The following RHOG variants were observed in gnomAD, a reference collection of about 807,000 sequenced individuals.
The protein encoded by RHOG is ras homolog family member G.
In RHOG, 1 loss-of-function variant was observed where a neutral mutation model predicts 12.3. The ratio of observed to expected loss-of-function variants is 0.08; its 90% CI spans 0.03 to 0.39. The LOEUF is 0.39. Among genes scored for constraint, RHOG ranks in the 10% least tolerant of loss-of-function variants. The pLI, the probability that RHOG is intolerant of heterozygous loss-of-function variation, is 0.99. For synonymous variants in RHOG, 129 were observed against 116.0 expected (o/e 1.11, Z -0.72); for missense variants, 114 against 266.2 (o/e 0.43, Z 3.98).
intron 1 of RHOG, among the ~76,000 whole-genome samples, chr11:3,835,031 A>G (rs1357057213): frequency 1.3e-5 from 2 of 152,198 alleles, no homozygotes; most frequent in East Asian, 1.9e-4. Flanking sequence ...CTTCCAGGAA[A>G]GCGTAAATTA....
intron 1 of RHOG, among the ~76,000 whole-genome samples, chr11:3,828,811 G>T (rs563161506): frequency 6.6e-6 from 1 of 151,384 alleles, no homozygotes; most frequent in Admixed American, 6.6e-5. Context: ...TAGTAGAGAT[G>T]GGGTTTCACC....
At chr11:3,830,084 G>A (rs996005786) in intron 1 of RHOG, among the ~76,000 whole-genome samples, 6 of 152,170 alleles carry the variant, frequency 3.9e-5, no homozygotes, top group Non-Finnish European at 8.8e-5. Context: ...GAAGGATGAA[G>A]TCAAGAGTAA....
intron 1 of RHOG, among the ~76,000 whole-genome samples, chr11:3,834,667 C>A (rs1366030037): frequency 1.3e-5 from 2 of 152,210 alleles, no homozygotes; most frequent in Admixed American, 6.5e-5. Context: ...CCCAGTGGGG[C>A]CTGGCCTTGG....
intron 1 of RHOG, among the ~76,000 whole-genome samples, chr11:3,829,890 G>A (rs1441903342): frequency 6.6e-6 from 1 of 152,142 alleles, no homozygotes; most frequent in African/African-American, 2.4e-5. Flanking sequence ...GGGATTACAG[G>A]CGCATGCCAC....
Position 3,827,419 on chromosome 11 carries a change from A to T in RHOG, c.*144T>A. 1.5e-6 allele frequency: 1 copy of T among 655,234 alleles called. No individual in the cohort carries two copies. Among genetic ancestry groups the T allele is most frequent in the Non-Finnish European group, 2.6e-6 (1 of 384,750 alleles). The allele number at this position is 655,234 out of a possible 1,614,324, so 40.6% of individuals were successfully genotyped here. A position where few individuals can be genotyped will look rare whatever the true frequency, so the allele number is the denominator to read the frequency against. On this transcript the variant is annotated 3_prime_UTR_variant, in exon 2 of 2. Coordinates refer to ENST00000351018, the MANE Select transcript of RHOG (RefSeq NM_001665.4). The surrounding 1 kb of genome is among the most constrained non-coding windows in gnomAD (Gnocchi z 7.3). ...TCTGCAGGCCTCCTTAAGGAGAAAAAGGCACTCAGAGAAAAAGGCATTCAG... is the reference window on the plus strand; with the variant it reads ...TCTGCAGGCCTCCTTAAGGAGAAAATGGCACTCAGAGAAAAAGGCATTCAG...
intron 1 of RHOG, among the ~76,000 whole-genome samples, chr11:3,835,932 G>A (rs1036065214): frequency 6.6e-6 from 1 of 152,122 alleles, no homozygotes; most frequent in South Asian, 2.1e-4. Context: ...GGGCTGGGAG[G>A]AGGAAGCTGG....
At position 3,827,408 on chromosome 11, in the gene RHOG, T is replaced by G. The variant is rs778641269; in HGVS notation, c.*155A>C. 3.0e-5 allele frequency: 19 copies of G among 636,802 alleles called. No homozygotes were observed. Among genetic ancestry groups the G allele is most frequent in the Non-Finnish European group, 4.9e-5 (18 of 368,694 alleles). 39.4% of individuals were successfully genotyped at this position (636,802 alleles called of 1,614,324 possible). A position where few individuals can be genotyped will look rare whatever the true frequency, so the allele number is the denominator to read the frequency against. On this transcript the variant is annotated 3_prime_UTR_variant, in exon 2 of 2. Coordinates refer to ENST00000351018, the MANE Select transcript of RHOG (RefSeq NM_001665.4). This position sits in a 1 kb window ranked among gnomAD's most constrained non-coding sequence, Gnocchi z 7.3. ...AAGCCCCTTTCTCTGCAGGCCTCCTTAAGGAGAAAAAGGCACTCAGAGAAA... is the reference window on the plus strand; with the variant it reads ...AAGCCCCTTTCTCTGCAGGCCTCCTGAAGGAGAAAAAGGCACTCAGAGAAA...
intron 1 of RHOG, among the ~76,000 whole-genome samples, chr11:3,839,948 C>A (rs1004021042): frequency 1.3e-5 from 2 of 151,828 alleles, no homozygotes; most frequent in Non-Finnish European, 2.9e-5. Flanking sequence ...CTAGGTATGA[C>A]CGTATGTTTG....
At chr11:3,835,967 C>G (rs2090153251) in intron 1 of RHOG, among the ~76,000 whole-genome samples, 1 of 151,664 alleles carries the variant, frequency 6.6e-6, no homozygotes, top group African/African-American at 2.4e-5. Flanking sequence ...CAGTGTGGGA[C>G]TGGGACCAGG....
intron 1 of RHOG, among the ~76,000 whole-genome samples, chr11:3,830,097 C>T (rs1001977092): frequency 6.6e-6 from 1 of 152,152 alleles, no homozygotes; most frequent in Non-Finnish European, 1.5e-5. Context: ...AAGAGTAAGA[C>T]AAAAACTTGA....
At position 3,828,061 on chromosome 11, in the gene RHOG, G is replaced by A. The variant is rs767911108; in HGVS notation, c.78C>T (p.Asn26=). The A allele has an allele frequency of 2.8e-5, 45 of 1,614,142 alleles. 1 individual carries two copies. The highest frequency in any genetic ancestry group is 1.8e-4 in the East Asian group (8 of 44,902). The change falls in exon 2 of 2, where the codon AAC becomes AAT. Residue 26 remains asparagine (N), a synonymous_variant. Transcript: ENST00000351018. ...TGGGGATGTACTCTTTGGGGAAAGC[G>A]TTAGTTGTGTAGCAGATGAGCAGGC... ...KTCLLICYTT[N]AFPKEYIPTV...
intron 1 of RHOG, among the ~76,000 whole-genome samples, chr11:3,831,535 T>C (rs1026350240): frequency 6.6e-5 from 10 of 152,100 alleles, no homozygotes; most frequent in Non-Finnish European, 1.0e-4. Context: ...GAGAGTCAAA[T>C]AGAGACCTCA....
chr11:3,837,641 G>C (rs920382538), intron 1 of RHOG, among the ~76,000 whole-genome samples: 1 of 152,198 alleles, frequency 6.6e-6, no homozygotes, highest in African/African-American at 2.4e-5. Flanking sequence ...CTACGACAAG[G>C]ATCCGGATCT....
chr11:3,838,619 G>C (rs142987267), intron 1 of RHOG, among the ~76,000 whole-genome samples: 6 of 152,146 alleles, frequency 3.9e-5, no homozygotes, highest in Middle Eastern at 3.4e-3. Context: ...ACTGGAAGAA[G>C]AACAATTCAT....
Position 3,827,528 on chromosome 11 carries a change from G to C in RHOG, c.*35C>G. 1 of 1,542,986 alleles carries C rather than the reference G, an allele frequency of 6.5e-7. No individual in the cohort carries two copies. Among genetic ancestry groups the C allele is most frequent in the South Asian group, 1.1e-5 (1 of 88,288 alleles). ...GGCACCAAGGCACAACTGGTGGGGG[G>C]AGGGCAGGGGCAGCCTCCAAGCCAA... On this transcript the variant is annotated 3_prime_UTR_variant, in exon 2 of 2. Coordinates refer to ENST00000351018, the MANE Select transcript of RHOG (RefSeq NM_001665.4). The surrounding 1 kb of genome is among the most constrained non-coding windows in gnomAD (Gnocchi z 7.3).
chr11:3,840,384 C>T (rs2090183970), intron 1 of RHOG, among the ~76,000 whole-genome samples: 1 of 152,062 alleles, frequency 6.6e-6, no homozygotes, highest in South Asian at 2.1e-4. Flanking sequence ...GGCTGCAGAC[C>T]GAGTGTGGGT....
intron 1 of RHOG, among the ~76,000 whole-genome samples, chr11:3,839,048 G>A (rs2090172954): frequency 6.6e-6 from 1 of 152,184 alleles, no homozygotes; most frequent in Non-Finnish European, 1.5e-5. Context: ...GAAAGGAGCA[G>A]ACACTTTTGC....
chr11:3,838,235 C>T (rs1362226266), intron 1 of RHOG, among the ~76,000 whole-genome samples: 2 of 152,186 alleles, frequency 1.3e-5, no homozygotes, highest in African/African-American at 4.8e-5. Context: ...CTCCCTTTAC[C>T]CCCCAATATT....
In RHOG at chr11:3,827,430, GA is replaced by G; in HGVS notation, c.*132del. On this transcript the variant is annotated 3_prime_UTR_variant, in exon 2 of 2. Transcript: ENST00000351018. This position sits in a 1 kb window ranked among gnomAD's most constrained non-coding sequence, Gnocchi z 7.3. Reference sequence around the variant, plus strand: ...CCTTAAGGAGAAAAAGGCACTCAGAGAAAAAGGCATTCAGGGAACCCCCTGG... The same window carrying G: ...CCTTAAGGAGAAAAAGGCACTCAGAGAAAAGGCATTCAGGGAACCCCCTGG... 9.8e-6 allele frequency: 7 copies of G among 714,220 alleles called. No individual in the cohort carries two copies. Among genetic ancestry groups the G allele is most frequent in the South Asian group, 1.9e-5 (1 of 53,848 alleles). The allele number at this position is 714,220 out of a possible 1,614,324, so 44.2% of individuals were successfully genotyped here.
Sources: gnomAD v4.1 joint callset for allele counts (sites outside exome capture counted in the v4.1 genomes callset) on GRCh38, gnomAD v4.1.1 for gene constraint, Gnocchi (gnomAD v3.1) non-coding constraint, MANE v1.5 for transcripts, NCBI Gene and HGNC (gene_info 2026-07-23, HGNC 2026-07-21) for gene names.